C10orf90: variants seen among roughly 807,000 people sequenced by gnomAD.
The protein encoded by C10orf90 is (E2-independent) E3 ubiquitin-conjugating enzyme FATS.
In C10orf90, 56 loss-of-function variants were observed where a neutral mutation model predicts 62.5. The ratio of observed to expected loss-of-function variants is 0.90; its 90% confidence interval spans 0.72 to 1.12. The LOEUF is 1.12. C10orf90 is among the 50% of genes most tolerant of loss of function. The pLI, the probability that C10orf90 is intolerant of heterozygous loss-of-function variation, is 0.00. For synonymous variants in C10orf90, 386 were observed against 340.4 expected (o/e 1.13, Z -1.47); for missense variants, 970 against 880.4 (o/e 1.10, Z -1.29).
intron 2 of C10orf90, among the ~76,000 whole-genome samples, chr10:126,555,680 G>GTAAATAAGTAAA (rs1554915059): frequency 7.3e-6 from 1 of 136,444 alleles, no homozygotes; most frequent in African/African-American, 2.7e-5. Context: ...CTCTATCTCA[G>GTAAATAAGTAAA]TAAATAAATA....
At chr10:126,609,655 T>C (rs747470780) in intron 2 of C10orf90, among the ~76,000 whole-genome samples, 10 of 152,090 alleles carry the variant, frequency 6.6e-5, no homozygotes, top group Non-Finnish European at 1.2e-4. Flanking sequence ...GGTTGAGCAT[T>C]GTGGGAGAAG....
chr10:126,495,960 G>C (rs1190274424), intron 4 of C10orf90, among the ~76,000 whole-genome samples: 2 of 152,164 alleles, frequency 1.3e-5, no homozygotes, highest in African/African-American at 4.8e-5. Flanking sequence ...AAATTACCTT[G>C]TAAAGGACAA....
At chr10:126,584,339 C>T (rs114875018) in intron 2 of C10orf90, among the ~76,000 whole-genome samples, 5,979 of 151,502 alleles carry the variant, frequency 0.039, 389 homozygotes, top group African/African-American at 0.14. Flanking sequence ...CTTGTCCATC[C>T]GCCTACCTGT....
At chr10:126,604,133 C>A (rs183407940) in intron 2 of C10orf90, among the ~76,000 whole-genome samples, 1 of 152,312 alleles carries the variant, frequency 6.6e-6, no homozygotes, top group Admixed American at 6.5e-5. Context: ...CAGGATGATT[C>A]CCGCATCAAG....
At chr10:126,530,823 G>GA (rs771441557) in intron 2 of C10orf90, among the ~76,000 whole-genome samples, 8 of 151,430 alleles carry the variant, frequency 5.3e-5, no homozygotes, top group South Asian at 2.1e-4. Context: ...CTGATAAAGA[G>GA]AAAAAAACAA....
chr10:126,635,887 C>A (rs1261830528), intron 2 of C10orf90, among the ~76,000 whole-genome samples: 1 of 135,168 alleles, frequency 7.4e-6, no homozygotes, highest in Non-Finnish European at 1.6e-5. Flanking sequence ...TGTACTCACT[C>A]CAAATGGTCA....
chr10:126,447,221 G>T (rs1180170682), intron 7 of C10orf90, among the ~76,000 whole-genome samples: 1 of 151,034 alleles, frequency 6.6e-6, no homozygotes, highest in African/African-American at 2.4e-5. Context: ...AATCAAAAAA[G>T]CATATATACT....
chr10:126,606,962 A>G (rs1490101913), intron 2 of C10orf90, among the ~76,000 whole-genome samples: 1 of 152,210 alleles, frequency 6.6e-6, no homozygotes, highest in Admixed American at 6.5e-5. Flanking sequence ...CATCTCTTAA[A>G]ACTGTCATTC....
At chr10:126,519,104 G>T (rs992829959) in intron 2 of C10orf90, among the ~76,000 whole-genome samples, 3 of 152,200 alleles carry the variant, frequency 2.0e-5, no homozygotes, top group Admixed American at 6.5e-5. Flanking sequence ...ACCAGGAAAA[G>T]TTGGTGGGAG....
chr10:126,635,358 G>A (rs1023622230), intron 2 of C10orf90, among the ~76,000 whole-genome samples: 1 of 152,138 alleles, frequency 6.6e-6, no homozygotes, highest in Admixed American at 6.5e-5. Flanking sequence ...AAGGCATGGG[G>A]GGTGCGGGGA....
At chr10:126,449,811 A>G (rs1434091828) in intron 7 of C10orf90, among the ~76,000 whole-genome samples, 2 of 152,136 alleles carry the variant, frequency 1.3e-5, no homozygotes, top group East Asian at 1.9e-4. Context: ...AGCCTGGCCA[A>G]TATGGTGAAA....
At chr10:126,502,699 A>G (rs1862474624) in intron 4 of C10orf90, 2 of 461,770 alleles carry the variant, frequency 4.3e-6, no homozygotes, top group African/African-American at 2.0e-5. Flanking sequence ...ACATACAACA[A>G]TGCAGTGGTG....
At chr10:126,529,679 G>T (rs188520767) in intron 2 of C10orf90, among the ~76,000 whole-genome samples, 4 of 152,048 alleles carry the variant, frequency 2.6e-5, no homozygotes, top group Admixed American at 6.6e-5. Context: ...AGACCATTCC[G>T]CATCTACCCA....
intron 2 of C10orf90, among the ~76,000 whole-genome samples, chr10:126,532,653 C>G (rs888846775): frequency 6.6e-6 from 1 of 150,876 alleles, no homozygotes; most frequent in Non-Finnish European, 1.5e-5. Context: ...CTGGCTAACA[C>G]GGTGAAACCC....
intron 6 of C10orf90, among the ~76,000 whole-genome samples, chr10:126,460,219 C>T (rs1445278180): frequency 6.6e-6 from 1 of 152,198 alleles, no homozygotes; most frequent in Non-Finnish European, 1.5e-5. Flanking sequence ...TGGTGCTTCA[C>T]CGATGGGCTT....
chr10:126,634,076 C>T (rs1845902980), intron 2 of C10orf90, among the ~76,000 whole-genome samples: 1 of 152,140 alleles, frequency 6.6e-6, no homozygotes, highest in Non-Finnish European at 1.5e-5. Flanking sequence ...TGTGGAGTTT[C>T]CTTAAAAAAT....
At chr10:126,644,329 T>C (rs772362170) in intron 2 of C10orf90, among the ~76,000 whole-genome samples, 4 of 152,204 alleles carry the variant, frequency 2.6e-5, no homozygotes, top group Non-Finnish European at 4.4e-5. Flanking sequence ...AAATCTGTCT[T>C]ACCGTTTTAA....
At chr10:126,426,148 G>C (rs1340814787) in intron 8 of C10orf90, 58 bp from the exon 9 acceptor site, 1 of 1,354,692 alleles carries the variant, frequency 7.4e-7, no homozygotes, top group Non-Finnish European at 1.1e-6. Context: ...TCCCGCTGTG[G>C]GGCTGCATCC....
intron 4 of C10orf90, among the ~76,000 whole-genome samples, chr10:126,466,720 T>G (rs893876391): frequency 2.0e-5 from 3 of 152,192 alleles, no homozygotes; most frequent in South Asian, 2.1e-4. Context: ...TCCATGTTCT[T>G]ATGCACAAAT....
Sources: gnomAD v4.1 joint callset for allele counts (sites outside exome capture counted in the v4.1 genomes callset) on GRCh38, gnomAD v4.1.1 for gene constraint, MANE v1.5 for transcripts, NCBI Gene and HGNC (gene_info 2026-07-23, HGNC 2026-07-21) for gene names.